Variants in PHF24 observed in about 807,000 individuals in gnomAD.
PHF24 encodes the protein PHD finger protein 24, also known as Galpha inhibitory interacting protein.
In PHF24, 25 loss-of-function variants were observed where a neutral mutation model predicts 42.6. The ratio of observed to expected loss-of-function variants is 0.59; its 90% CI spans 0.43 to 0.82. PHF24 has a LOEUF of 0.82. Ranked by LOEUF, PHF24 falls within the 40% of genes least tolerant of loss-of-function variation. The pLI is 0.00. For synonymous variants in PHF24, 185 were observed against 204.8 expected (o/e 0.90, Z 0.83); for missense variants, 470 against 538.1 (o/e 0.87, Z 1.25).
At chr9:34,691,258 G>C in the PHF24 span, 3 of 756,446 alleles carry the variant, frequency 4.0e-6, no homozygotes, top group Non-Finnish European at 6.6e-6. Context: ...CAAGGTGTGA[G>C]TGATGTGAGG....
At chr9:34,852,120 T>A in the PHF24 span, among the ~76,000 whole-genome samples, 1 of 152,250 alleles carries the variant, frequency 6.6e-6, no homozygotes, top group Non-Finnish European at 1.5e-5. Context: ...TGAAGACCTC[T>A]ATAATGATCC....
chr9:34,847,860 A>G, the PHF24 span, among the ~76,000 whole-genome samples: 1 of 152,154 alleles, frequency 6.6e-6, no homozygotes, highest in South Asian at 2.1e-4. Context: ...TGAGATAATC[A>G]TGTGGTTTTG....
the PHF24 span, among the ~76,000 whole-genome samples, chr9:34,674,695 T>G: frequency 6.6e-6 from 1 of 152,256 alleles, no homozygotes; most frequent in Non-Finnish European, 1.5e-5. Flanking sequence ...GGAGTGCCCT[T>G]GTGTTTGTAC....
chr9:34,967,165 G>A (rs1826805174), intron 1 of PHF24, among the ~76,000 whole-genome samples: 1 of 152,152 alleles, frequency 6.6e-6, no homozygotes, highest in South Asian at 2.1e-4. Context: ...CAACCACACA[G>A]ACTCCTAAGA....
At chr9:34,841,291 G>A in the PHF24 span, among the ~76,000 whole-genome samples, 40,778 of 151,958 alleles carry the variant, frequency 0.27, 6,813 homozygotes, top group East Asian at 0.54. Context: ...GAGCCACCGC[G>A]CCCAGCCAGA....
At chr9:34,722,194 T>C in the PHF24 span, among the ~76,000 whole-genome samples, 2 of 152,190 alleles carry the variant, frequency 1.3e-5, no homozygotes, top group African/African-American at 2.4e-5. Context: ...AGATTAGTTA[T>C]GATGCTACTG....
the PHF24 span, among the ~76,000 whole-genome samples, chr9:34,772,083 G>C: frequency 6.6e-6 from 1 of 152,162 alleles, no homozygotes; most frequent in African/African-American, 2.4e-5. Flanking sequence ...AAAGGTTTCA[G>C]CTCAGGTTTC....
At chr9:34,922,229 A>G in the PHF24 span, 3 of 1,592,228 alleles carry the variant, frequency 1.9e-6, no homozygotes, top group Non-Finnish European at 2.6e-6. Flanking sequence ...CTCCTCGGGT[A>G]TCCGATGTCC....
the PHF24 span, chr9:34,917,997 A>C: frequency 7.4e-6 from 10 of 1,353,252 alleles, no homozygotes; most frequent in Non-Finnish European, 9.6e-6. Context: ...GGAGGCCATC[A>C]AGAAATTAAG....
chr9:34,736,394 C>T, the PHF24 span, among the ~76,000 whole-genome samples: 4 of 152,258 alleles, frequency 2.6e-5, no homozygotes, highest in South Asian at 2.1e-4. Flanking sequence ...GTAGCCTCGA[C>T]CTCTCAGCCT....
At chr9:34,679,585 C>T in the PHF24 span, among the ~76,000 whole-genome samples, 15 of 152,234 alleles carry the variant, frequency 9.9e-5, no homozygotes, top group Non-Finnish European at 1.6e-4. Context: ...TGTGGTGGCG[C>T]GTGCCTGTAA....
chr9:34,933,117 C>T, the PHF24 span, among the ~76,000 whole-genome samples: 1 of 151,876 alleles, frequency 6.6e-6, no homozygotes, highest in South Asian at 2.1e-4. Context: ...GCCACCACGC[C>T]CTGCTAACGA....
the PHF24 span, chr9:34,724,218 G>C: frequency 1.3e-6 from 2 of 1,551,506 alleles, no homozygotes; most frequent in Non-Finnish European, 1.7e-6. Flanking sequence ...TGAACACAAG[G>C]CATGTGGGCC....
the PHF24 span, chr9:34,726,207 G>T: frequency 8.6e-7 from 1 of 1,164,392 alleles, no homozygotes; most frequent in African/African-American, 1.6e-5. Flanking sequence ...GAGACCTGAG[G>T]AGTATTCTTC....
the PHF24 span, among the ~76,000 whole-genome samples, chr9:34,851,483 T>A: frequency 1.3e-5 from 2 of 152,182 alleles, no homozygotes; most frequent in African/African-American, 2.4e-5. Flanking sequence ...GGAGTGACCC[T>A]ATTTTCCAGG....
At chr9:34,957,166 ATATCCTCTATT>A (rs1826393822), upstream of PHF24, among the ~76,000 whole-genome samples, 1 of 152,190 alleles carries the variant, frequency 6.6e-6, no homozygotes, top group Non-Finnish European at 1.5e-5. Flanking sequence ...TACTTGCCTT[ATATCCTCTATT>A]GGTAAATTCC....
At chr9:34,768,832 G>A in the PHF24 span, among the ~76,000 whole-genome samples, 1 of 151,910 alleles carries the variant, frequency 6.6e-6, no homozygotes, top group Non-Finnish European at 1.5e-5. Context: ...TTGGAAAGTG[G>A]TATGACTGTA....
At chr9:34,803,052 A>G in the PHF24 span, among the ~76,000 whole-genome samples, 10 of 152,078 alleles carry the variant, frequency 6.6e-5, no homozygotes, top group African/African-American at 2.4e-4. Flanking sequence ...CATTTCCCAT[A>G]CCCTAGCAAT....
At chr9:34,775,639 A>C in the PHF24 span, among the ~76,000 whole-genome samples, 2 of 152,314 alleles carry the variant, frequency 1.3e-5, no homozygotes, top group South Asian at 4.1e-4. Flanking sequence ...TAAATCTAAA[A>C]ACGTTCTAAA....
Sources: allele counts gnomAD v4.1 joint callset (sites outside exome capture counted in the v4.1 genomes callset), GRCh38; gene constraint gnomAD v4.1.1; transcripts MANE v1.5; gene names NCBI Gene and HGNC (gene_info 2026-07-23, HGNC 2026-07-21).